The following PTPRH variants were observed in gnomAD, a reference collection of about 807,000 sequenced individuals.
PTPRH encodes protein tyrosine phosphatase receptor type H.
A neutral mutation model predicts 130.2 loss-of-function variants in PTPRH; 113 were observed. That is an observed-to-expected ratio of 0.87 (90% CI 0.75 to 1.01). The LOEUF (loss-of-function observed/expected upper bound fraction) is 1.01. Ranked by LOEUF, PTPRH falls within the 50% of genes least tolerant of loss-of-function variation. The probability of loss-of-function intolerance (pLI) is 0.00; values close to 1 mark genes in which losing one functional copy is unlikely to be tolerated. For synonymous variants in PTPRH, 556 were observed against 577.9 expected, an observed-to-expected ratio of 0.96 and a Z score of 0.54; for missense variants, 1,430 against 1,425.0, an observed-to-expected ratio of 1.00 and a Z score of -0.06.
chr19:55,197,505 A>T (rs538739740), intron 8 of PTPRH, 89 bp from the exon 9 acceptor site: 2 of 1,264,530 alleles, frequency 1.6e-6, no homozygotes, highest in East Asian at 2.3e-5. Context: ...CAAAGCTGAG[A>T]TATCCATTAT....
At position 55,187,658 on chromosome 19, in the gene PTPRH, G is replaced by A. The variant is rs371100813; in HGVS notation, c.2476-55C>T. The A allele has an allele frequency of 3.4e-5, 47 of 1,380,152 alleles. No individual in the cohort carries two copies. The East Asian group carries it at 8.0e-4, about 24-fold the overall frequency. The allele number at this position is 1,380,152 out of a possible 1,614,324, so 85.5% of individuals were successfully genotyped here. ...TGTTGGATTTTCTCTACTTTCCCTC[G>A]GGGGTACCCCCGAGCTCCCCTTGCC... On this transcript the variant is annotated intron_variant, in intron 13 of 19. Coordinates refer to ENST00000376350, the MANE Select transcript of PTPRH (RefSeq NM_002842.5).
In PTPRH at chr19:55,181,817, C is replaced by G. The variant is rs1166397637; in HGVS notation, c.3285G>C (p.Glu1095Asp). 2.5e-6 allele frequency: 4 copies of G among 1,614,072 alleles called. No individual in the cohort carries two copies. The Admixed American group carries it at 5.0e-5, about 20-fold the overall frequency. The part of the protein sequence containing the change: ...QAPAEKEVPY[E>D]DVENLIYENV... ...TCTCGTAGATGAGGTTTTCGACATC[C>G]TCATACGGGACTTCCTTCTCGGCTG... Residue 1095 changes from glutamate (E) to aspartate (D), a missense_variant, in exon 20 of 20, where the codon GAG becomes GAC. By Grantham distance (45) the Glu-to-Asp change is conservative. Coordinates refer to ENST00000376350, the MANE Select transcript of PTPRH (RefSeq NM_002842.5).
In PTPRH at chr19:55,201,287, G is replaced by A. The variant is rs1055597791; in HGVS notation, c.1153+769C>T. Among the ~76,000 whole-genome samples the A allele has an allele frequency of 7.9e-5, 12 of 152,022 alleles. 1 individual carries two copies. Among genetic ancestry groups the A allele is most frequent in the Admixed American group, 6.6e-4 (10 of 15,246 alleles). On this transcript the variant is annotated intron_variant, in intron 6 of 19. Coordinates refer to ENST00000376350, the MANE Select transcript of PTPRH (RefSeq NM_002842.5). ...TGCTACTTGGGAGGCTGAGGTCGGC[G>A]GATTGCTTCAGCCCAGGAATTTGAG... is the stretch of plus-strand genomic sequence containing the variant.
Position 55,191,736 on chromosome 19 carries a change from T to C in PTPRH, c.2263A>G (p.Ile755Val). Residue 755 changes from isoleucine (I) to valine (V), a missense_variant, in exon 11 of 20, where the codon ATT becomes GTT. Ile to Val is a conservative substitution (Grantham distance 29). Transcript: ENST00000376350. ...AGGATGCCCACAAAGGCTCCGGCAA[T>C]GACCCCTGTGGGGAGGAGGCATCGG... ...VVCHTESAGV[I>V]AGAFVGILLF... 3 of 1,613,758 alleles carry C rather than the reference T, an allele frequency of 1.9e-6. No individual in the cohort carries two copies. The highest frequency in any genetic ancestry group is 2.5e-6 in the Non-Finnish European group (3 of 1,179,788).
intron 12 of PTPRH, chr19:55,189,581 G>A (rs535184851): frequency 1.4e-5 from 6 of 423,268 alleles, no homozygotes; most frequent in East Asian, 7.5e-5. Flanking sequence ...TCCTGGGAGC[G>A]CCTTTCCCAG....
At chr19:55,197,089 C>G (rs756034297) in intron 9 of PTPRH, 28 bp downstream of exon 9, 43 of 1,609,520 alleles carry the variant, frequency 2.7e-5, no homozygotes, top group Middle Eastern at 3.3e-4. Flanking sequence ...CCCAGTTCAC[C>G]ACTTGAAGGC....
At chr19:55,204,169 G>C in intron 4 of PTPRH, 121 bp from the exon 5 acceptor site, 1 of 1,124,200 alleles carries the variant, frequency 8.9e-7, no homozygotes, top group Non-Finnish European at 1.2e-6. Context: ...ATCCAGGCTG[G>C]AGTGCAGTGG....
rs755200646 is a variant in PTPRH, at chr19:55,196,889, G to A, written c.1991-101C>T. 31 of 1,421,888 alleles carry A rather than the reference G, an allele frequency of 2.2e-5. No homozygotes were observed. The East Asian group carries it at 2.4e-4, about 11-fold the overall frequency. The allele number at this position is 1,421,888 out of a possible 1,614,324, so 88.1% of individuals were successfully genotyped here. A position where few individuals can be genotyped will look rare whatever the true frequency, so the allele number is the denominator to read the frequency against. On this transcript the variant is annotated intron_variant, in intron 9 of 19. Coordinates refer to ENST00000376350, the MANE Select transcript of PTPRH (RefSeq NM_002842.5). ...TCTGAGACGAGCCCATCCCTTCCTC[G>A]CCAAATCCAAACTACCTCATCTTCC...
intron 18 of PTPRH, 52 bp downstream of exon 18, chr19:55,185,450 A>G: frequency 1.3e-6 from 2 of 1,593,350 alleles, no homozygotes; most frequent in Non-Finnish European, 1.7e-6. Context: ...CAACTGTCTG[A>G]GCCCCAAGGG....
At chr19:55,183,664 C>T (rs2086240164) in intron 18 of PTPRH, among the ~76,000 whole-genome samples, 1 of 151,968 alleles carries the variant, frequency 6.6e-6, no homozygotes, top group Admixed American at 6.6e-5. Context: ...GTGGAGGTTG[C>T]AGTGAGCGGA....
Position 55,200,361 on chromosome 19 carries a change from GTC to G in PTPRH, c.1293_1294del (p.Glu431AspfsTer12). 1 of 1,614,124 alleles carries G rather than the reference GTC, an allele frequency of 6.2e-7. No homozygotes were observed. Among genetic ancestry groups the G allele is most frequent in the Non-Finnish European group, 8.5e-7 (1 of 1,180,026 alleles). ...CACACTGGTATTTGTTGTGTTTCGG[GTC>G]TCTGTGCCACCACCGTCTCCAGTGT... On this transcript the variant is annotated frameshift_variant, in exon 7 of 20. Transcript: ENST00000376350. LOFTEE classifies it high-confidence loss of function.
chr19:55,194,068 T>G, intron 10 of PTPRH: 2 of 930,588 alleles, frequency 2.1e-6, no homozygotes, highest in South Asian at 3.0e-5. Flanking sequence ...CAGGCTGGTC[T>G]CGAACTCCCA....
At chr19:55,199,933 C>A (rs533669129) in intron 7 of PTPRH, among the ~76,000 whole-genome samples, 32 of 131,752 alleles carry the variant, frequency 2.4e-4, no homozygotes, top group South Asian at 2.4e-4. Flanking sequence ...AGAGAGAAAG[C>A]GAGAAAGGAA....
At chr19:55,190,493 T>G (rs2086495532) in intron 12 of PTPRH, among the ~76,000 whole-genome samples, 1 of 85,574 alleles carries the variant, frequency 1.2e-5, no homozygotes. Flanking sequence ...ATTATATAAT[T>G]TATATATTAT....
At chr19:55,202,478 C>T (rs35113011) in intron 5 of PTPRH, among the ~76,000 whole-genome samples, 156 bp from the exon 6 acceptor site, 2,599 of 152,224 alleles carry the variant, frequency 0.017, 30 homozygotes, top group Non-Finnish European at 0.026. Flanking sequence ...GTGTTGAGCA[C>T]CGTGAGGTGG....
At position 55,197,241 on chromosome 19, in the gene PTPRH, G is replaced by T; in HGVS notation, c.1866C>A (p.Thr622=). ...QDPQANWVNQ[T]SRTNETWYKV... is the part of the protein sequence containing the mutation. ...TGTACCACGTCTCATTGGTCCTGCT[G>T]GTCTGGTTGACCCAATTCGCTTGGG... Residue 622 remains threonine, a synonymous_variant, in exon 9 of 20, where the codon ACC becomes ACA. Coordinates refer to ENST00000376350, the MANE Select transcript of PTPRH (RefSeq NM_002842.5). The T allele has an allele frequency of 6.2e-7, 1 of 1,614,250 alleles. No homozygotes were observed.
intron 10 of PTPRH, among the ~76,000 whole-genome samples, chr19:55,192,269 G>C (rs149288723): frequency 0.01 from 1,561 of 151,938 alleles, 17 homozygotes; most frequent in African/African-American, 0.035. Flanking sequence ...GGGCGTGGTG[G>C]TGGGCGCCTG....
intron 13 of PTPRH, 72 bp downstream of exon 13, chr19:55,188,006 G>A (rs1291064488): frequency 4.3e-6 from 4 of 935,978 alleles, no homozygotes; most frequent in East Asian, 4.5e-5. Flanking sequence ...GTGAGGTCTG[G>A]CCAGGGGGTG....
chr19:55,187,230 A>G (rs1350262086), intron 14 of PTPRH, among the ~76,000 whole-genome samples: 1 of 147,656 alleles, frequency 6.8e-6, no homozygotes, highest in African/African-American at 2.6e-5. Flanking sequence ...CTGTAGTCCC[A>G]GCTACTCGGG....
Sources: allele counts gnomAD v4.1 joint callset (sites outside exome capture counted in the v4.1 genomes callset), GRCh38; gene constraint gnomAD v4.1.1; transcripts MANE v1.5; gene names NCBI Gene and HGNC (gene_info 2026-07-23, HGNC 2026-07-21).